Variants in DNAJC5 observed in about 807,000 individuals in gnomAD.
The protein encoded by DNAJC5 is dnaJ homolog subfamily C member 5.
DNAJC5 carries 1 observed loss-of-function variant against 23.2 expected under a neutral mutation model. That is an observed-to-expected ratio of 0.04 (90% confidence interval 0.02 to 0.20). The LOEUF (loss-of-function observed/expected upper bound fraction) is 0.20, where lower values mean the gene tolerates loss of function less well. DNAJC5 is among the 10% of genes least tolerant of loss of function. The probability of loss-of-function intolerance (pLI) is 1.00; values close to 1 mark genes in which losing one functional copy is unlikely to be tolerated. For synonymous variants in DNAJC5, 136 were observed against 120.0 expected, an observed-to-expected ratio of 1.13 and a Z score of -0.87; for missense variants, 180 against 267.0, an observed-to-expected ratio of 0.67 and a Z score of 2.27.
chr20:63,928,205 C>A lies in DNAJC5; in HGVS notation c.-11-130C>A. ...CCATGCCATGGCGTCTGTCTGTGCACGTGGCAAACTCCACAAGGCAGTGTT... is the reference window on the plus strand; with the variant it reads ...CCATGCCATGGCGTCTGTCTGTGCAAGTGGCAAACTCCACAAGGCAGTGTT... On this transcript the variant is annotated intron_variant, in intron 1 of 4. Coordinates refer to ENST00000360864, the MANE Select transcript of DNAJC5 (RefSeq NM_025219.3). This position sits in a 1 kb window ranked among gnomAD's most constrained non-coding sequence, Gnocchi z 4.6. The A allele has an allele frequency of 1.4e-6, 1 of 738,938 alleles. No individual in the cohort carries two copies. The highest frequency in any genetic ancestry group is 2.0e-5 in the Admixed American group (1 of 49,182). The allele number at this position is 738,938 out of a possible 1,614,324, so 45.8% of individuals were successfully genotyped here.
At chr20:63,909,578 G>A (rs1189444741) in intron 1 of DNAJC5, among the ~76,000 whole-genome samples, 3 of 152,170 alleles carry the variant, frequency 2.0e-5, no homozygotes, top group Non-Finnish European at 2.9e-5. Context: ...CTACTCTGGA[G>A]GCTGAGGCAG....
chr20:63,918,640 T>G (rs2053534117), intron 1 of DNAJC5, among the ~76,000 whole-genome samples: 1 of 152,218 alleles, frequency 6.6e-6, no homozygotes, highest in Non-Finnish European at 1.5e-5. Context: ...CTGTCACCCA[T>G]GCTGGAGTGC....
intron 1 of DNAJC5, among the ~76,000 whole-genome samples, chr20:63,914,470 A>G (rs554536346): frequency 7.0e-4 from 107 of 151,948 alleles, no homozygotes; most frequent in Non-Finnish European, 1.3e-3. Flanking sequence ...GCCTACCACC[A>G]TACCTGGCTA....
At chr20:63,909,552 C>G (rs990751430) in intron 1 of DNAJC5, among the ~76,000 whole-genome samples, 1 of 147,992 alleles carries the variant, frequency 6.8e-6, no homozygotes, top group Non-Finnish European at 1.5e-5. Context: ...AGCAGTGATG[C>G]GTGCCGTAGT....
At chr20:63,923,356 T>C (rs2427563) in intron 1 of DNAJC5, among the ~76,000 whole-genome samples, 51,814 of 150,262 alleles carry the variant, frequency 0.34, 10,599 homozygotes, top group East Asian at 0.81. Context: ...AAGGGAGGCT[T>C]TCTTGAGTCC....
intron 1 of DNAJC5, among the ~76,000 whole-genome samples, chr20:63,922,801 T>C (rs1053976239): frequency 6.6e-6 from 1 of 151,984 alleles, no homozygotes; most frequent in Non-Finnish European, 1.5e-5. Context: ...AATGGTGTTT[T>C]ACCTAGGTAT....
At chr20:63,930,748 C>G (rs978127801) in intron 3 of DNAJC5, 103 bp from the exon 4 acceptor site, 2 of 1,577,310 alleles carry the variant, frequency 1.3e-6, no homozygotes, top group African/African-American at 2.7e-5. Flanking sequence ...GTATCCCCAC[C>G]TGGAACGCAC....
rs567957712 is a variant in DNAJC5 at position 63,935,815 on chromosome 20, T to C, written c.*4247T>C. 6.6e-6 allele frequency: 1 copy of C among 152,388 alleles called. No individual in the cohort carries two copies. Among genetic ancestry groups the C allele is most frequent in the Non-Finnish European group, 1.5e-5 (1 of 68,036 alleles). 9.4% of individuals were successfully genotyped at this position (152,388 alleles called of 1,614,324 possible). A position where few individuals can be genotyped will look rare whatever the true frequency, so the allele number is the denominator to read the frequency against. On this transcript the variant is annotated 3_prime_UTR_variant, in exon 5 of 5. Transcript: ENST00000360864. Reference sequence around the variant, plus strand: ...TTTTTAAAAATCAAATGCACACGCATGGAAGCTGCTTGTCCATGCACTGGT... The same window carrying C: ...TTTTTAAAAATCAAATGCACACGCACGGAAGCTGCTTGTCCATGCACTGGT...
At chr20:63,907,768 G>A (rs562299914) in intron 1 of DNAJC5, among the ~76,000 whole-genome samples, 15 of 152,262 alleles carry the variant, frequency 9.9e-5, no homozygotes, top group Non-Finnish European at 1.6e-4. Flanking sequence ...GAAATTTAGG[G>A]GTTTTTTGTT....
rs920210877 is a variant in DNAJC5 at position 63,931,337 on chromosome 20, G to A, written c.494-128G>A. On this transcript the variant is annotated intron_variant, in intron 4 of 4. Coordinates refer to ENST00000360864, the MANE Select transcript of DNAJC5 (RefSeq NM_025219.3). This position sits in a 1 kb window ranked among gnomAD's most constrained non-coding sequence, Gnocchi z 9.6. ...GCGACGGAGGAAAGCCGTGTGGGGT[G>A]GAGGTCAGCGAGTAGCCTCTCCCGG... 2.1e-6 allele frequency: 2 copies of A among 960,536 alleles called. No individual in the cohort carries two copies. 59.5% of individuals were successfully genotyped at this position (960,536 alleles called of 1,614,324 possible). A position where few individuals can be genotyped will look rare whatever the true frequency, so the allele number is the denominator to read the frequency against.
rs1481154250 is a variant in DNAJC5, at chr20:63,897,898, C to T, written c.-12+2575C>T. ...ACATTAACTCAGAGTGAGTGGGCTT[C>T]AGGGCCTTCCTGCATCCCTGAAGAT... On this transcript the variant is annotated intron_variant, in intron 1 of 4. Transcript: ENST00000360864. 3.9e-5 allele frequency among the ~76,000 whole-genome samples: 6 copies of T among 152,298 alleles called. No homozygotes were observed. The East Asian group carries it at 1.2e-3, about 29-fold the overall frequency.
chr20:63,898,163 A>G (rs1327148796), intron 1 of DNAJC5, among the ~76,000 whole-genome samples: 1 of 152,166 alleles, frequency 6.6e-6, no homozygotes, highest in East Asian at 1.9e-4. Context: ...AGCCCTGTAC[A>G]AGGTGCTGGT....
chr20:63,910,939 G>C (rs2053479319), intron 1 of DNAJC5, among the ~76,000 whole-genome samples: 1 of 152,192 alleles, frequency 6.6e-6, no homozygotes, highest in Admixed American at 6.5e-5. Flanking sequence ...AAAGTACTGG[G>C]ATTATAGGCC....
chr20:63,913,104 C>CCCTGCCCCGTCTCCATCTCCCTGTCTGCA (rs1555878047), intron 1 of DNAJC5, among the ~76,000 whole-genome samples: 2 of 152,004 alleles, frequency 1.3e-5, no homozygotes, highest in African/African-American at 2.4e-5. Context: ...CACTGTCTCT[C>CCCTGCCCCGTCTCCATCTCCCTGTCTGCA]CCAGAGGTGT....
intron 1 of DNAJC5, 122 bp downstream of exon 1, chr20:63,895,445 G>C (rs2053367805): frequency 6.8e-6 from 1 of 147,416 alleles, no homozygotes; most frequent in African/African-American, 2.4e-5. Flanking sequence ...CGACCCCCGG[G>C]CCGGGGCTGC....
At chr20:63,908,718 TC>T (rs1300191481) in intron 1 of DNAJC5, among the ~76,000 whole-genome samples, 1 of 152,194 alleles carries the variant, frequency 6.6e-6, no homozygotes, top group Admixed American at 6.5e-5. Context: ...GAGGAGAGCT[TC>T]AGCTCAGGAT....
chr20:63,898,936 G>C (rs762542316), intron 1 of DNAJC5, among the ~76,000 whole-genome samples: 5 of 152,206 alleles, frequency 3.3e-5, no homozygotes, highest in Non-Finnish European at 7.3e-5. Flanking sequence ...CCTGAGATGT[G>C]TCCAAGAAGC....
intron 1 of DNAJC5, among the ~76,000 whole-genome samples, chr20:63,911,739 T>C (rs1190380905): frequency 6.6e-6 from 1 of 151,974 alleles, no homozygotes; most frequent in Non-Finnish European, 1.5e-5. Flanking sequence ...GGTGGCGCGA[T>C]CTCGGCTCCC....
At chr20:63,908,523 G>A (rs879874624) in intron 1 of DNAJC5, among the ~76,000 whole-genome samples, 4 of 152,182 alleles carry the variant, frequency 2.6e-5, no homozygotes, top group Non-Finnish European at 4.4e-5. Flanking sequence ...GATTGGTCAC[G>A]GAATGAACAG....
Sources: gnomAD v4.1 joint callset for allele counts (sites outside exome capture counted in the v4.1 genomes callset) on GRCh38, gnomAD v4.1.1 for gene constraint, Gnocchi (gnomAD v3.1) non-coding constraint, MANE v1.5 for transcripts, NCBI Gene and HGNC (gene_info 2026-07-23, HGNC 2026-07-21) for gene names.